Variants in CLVS2 observed in about 807,000 individuals in gnomAD.
The protein encoded by CLVS2 is clavesin 2, also known as clavesin-2.
CLVS2 carries 19 observed loss-of-function variants against 29.0 expected under a neutral mutation model. That is an observed-to-expected ratio of 0.66 (90% confidence interval 0.46 to 0.96). CLVS2 has a LOEUF of 0.96. Ranked by LOEUF, CLVS2 falls within the 40% of genes least tolerant of loss-of-function variation. The pLI is 0.00. For synonymous variants in CLVS2, 161 were observed against 151.3 expected, an observed-to-expected ratio of 1.06 and a Z score of -0.47; for missense variants, 294 against 404.1, an observed-to-expected ratio of 0.73 and a Z score of 2.34.
At chr6:123,058,164 A>G (rs1235594221) in intron 5 of CLVS2, among the ~76,000 whole-genome samples, 1 of 152,116 alleles carries the variant, frequency 6.6e-6, no homozygotes, top group Admixed American at 6.6e-5. Context: ...ACATTAATTT[A>G]TAAATCCTCA....
At chr6:123,002,175 C>G (rs1774598536) in intron 2 of CLVS2, among the ~76,000 whole-genome samples, 1 of 152,228 alleles carries the variant, frequency 6.6e-6, no homozygotes. Flanking sequence ...CAAAATGATT[C>G]TTAATATGGT....
chr6:123,058,649 A>G (rs1462181576), intron 5 of CLVS2, among the ~76,000 whole-genome samples: 1 of 151,776 alleles, frequency 6.6e-6, no homozygotes, highest in Admixed American at 6.6e-5. Flanking sequence ...CTTTATTTTT[A>G]TTTTTATTTT....
chr6:123,011,344 G>T (rs1363471964), intron 3 of CLVS2, among the ~76,000 whole-genome samples, 185 bp downstream of exon 3: 2 of 152,030 alleles, frequency 1.3e-5, no homozygotes, highest in East Asian at 3.9e-4. Context: ...AAGGAAGAGA[G>T]TTTGTGACAC....
rs186830228 is a variant in CLVS2 at position 123,066,393 on chromosome 6, A to G, written c.*2632A>G. On this transcript the variant is annotated 3_prime_UTR_variant, in exon 6 of 6. Transcript: ENST00000275162. The stretch of plus-strand genomic sequence containing the variant: ...ACACACACACTCTTACACACACACT[A>G]ACACACTAGACTGTTTGCCCTAATG... 4.0e-5 allele frequency: 6 copies of G among 150,562 alleles called. No individual in the cohort carries two copies. The highest frequency in any genetic ancestry group is 2.0e-4 in the Admixed American group (3 of 15,104). 9.3% of individuals were successfully genotyped at this position (150,562 alleles called of 1,614,324 possible).
intron 4 of CLVS2, 92 bp downstream of exon 4, chr6:123,048,824 G>T: frequency 2.5e-6 from 2 of 809,014 alleles, no homozygotes. Context: ...ATAGTAAAAT[G>T]TACTTCTACA....
chr6:123,071,756 C>T lies in CLVS2; in HGVS notation c.*7995C>T, dbSNP rs1398573161. On this transcript the variant is annotated 3_prime_UTR_variant, in exon 6 of 6. Transcript: ENST00000275162. ...GGAAGTATTTTGGTGTTTCTAAGGT[C>T]TTTCCATGATCTTGAAATCTATATA... The T allele has an allele frequency of 2.0e-5, 3 of 151,956 alleles. No homozygotes were observed. Among genetic ancestry groups the T allele is most frequent in the Non-Finnish European group, 2.9e-5 (2 of 67,932 alleles). 9.4% of individuals were successfully genotyped at this position (151,956 alleles called of 1,614,324 possible).
chr6:123,011,271 C>A, intron 3 of CLVS2, 112 bp downstream of exon 3: 1 of 764,054 alleles, frequency 1.3e-6, no homozygotes, highest in Non-Finnish European at 2.0e-6. Flanking sequence ...CAAAAAAAAT[C>A]TGTAGTTTTT....
chr6:123,004,171 G>T (rs750166260), intron 2 of CLVS2, among the ~76,000 whole-genome samples: 1 of 152,182 alleles, frequency 6.6e-6, no homozygotes, highest in Admixed American at 6.5e-5. Flanking sequence ...TTTGCTTAGA[G>T]TACTTGGCCC....
chr6:123,046,585 G>A lies in CLVS2; in HGVS notation c.565-2037G>A, dbSNP rs1226417518. The stretch of plus-strand genomic sequence containing the variant: ...GAGGCAGGAGAATCGCTTGAACCTG[G>A]GAGGAGGAAATTGCAGTGAGCCGAG... On this transcript the variant is annotated intron_variant, in intron 3 of 5. Transcript: ENST00000275162. Among the ~76,000 whole-genome samples the A allele has an allele frequency of 2.0e-5, 3 of 151,788 alleles. No homozygotes were observed. In the East Asian group the frequency reaches 5.8e-4, roughly 29 times the overall value.
intron 2 of CLVS2, among the ~76,000 whole-genome samples, chr6:123,000,147 T>C (rs1774571070): frequency 8.5e-5 from 13 of 152,200 alleles, no homozygotes; most frequent in Admixed American, 6.5e-4. Flanking sequence ...AGAAGCTGTG[T>C]TCTGTAGAAA....
chr6:123,061,561 CAT>C (rs1772778516), intron 5 of CLVS2, among the ~76,000 whole-genome samples: 1 of 152,212 alleles, frequency 6.6e-6, no homozygotes, highest in African/African-American at 2.4e-5. Flanking sequence ...CATTGTTTCA[CAT>C]ATGGAATCAG....
intron 2 of CLVS2, among the ~76,000 whole-genome samples, chr6:123,006,092 A>G (rs1774664052): frequency 6.6e-6 from 1 of 152,212 alleles, no homozygotes; most frequent in South Asian, 2.1e-4. Flanking sequence ...CTATAATTTC[A>G]GAATATGAGA....
In CLVS2 at chr6:123,001,152, C is replaced by T. The variant is rs566670877; in HGVS notation, c.389+2986C>T. Among the ~76,000 whole-genome samples the T allele has an allele frequency of 7.9e-5, 12 of 152,216 alleles. No homozygotes were observed. The East Asian group carries it at 9.7e-4, about 12-fold the overall frequency. On this transcript the variant is annotated intron_variant, in intron 2 of 5. Transcript: ENST00000275162. ...TCTGAGTAGAGATTTATTTGATATA[C>T]GCTTTCTCCTATATGAAATTTGTAG...
In CLVS2 at chr6:123,009,355, A is replaced by G. The variant is rs145797748; in HGVS notation, c.390-1630A>G. Among the ~76,000 whole-genome samples the G allele has an allele frequency of 4.1e-3, 631 of 152,238 alleles. 9 individuals carry two copies. The highest frequency in any genetic ancestry group is 0.034 in the Admixed American group (521 of 15,286). On this transcript the variant is annotated intron_variant, in intron 2 of 5. Transcript: ENST00000275162. ...TGACACCATGCCCTGTGCTTGATTA[A>G]TGCTAGGATTCTAAACAAGATTCTG...
chr6:123,029,124 C>T (rs918332930), intron 3 of CLVS2, among the ~76,000 whole-genome samples: 1 of 152,144 alleles, frequency 6.6e-6, no homozygotes, highest in African/African-American at 2.4e-5. Flanking sequence ...ACTTTCCAGC[C>T]CCCATATCTG....
chr6:123,024,057 T>A (rs1774963241), intron 3 of CLVS2, among the ~76,000 whole-genome samples: 1 of 152,162 alleles, frequency 6.6e-6, no homozygotes, highest in Admixed American at 6.6e-5. Context: ...ATATGTTTTT[T>A]ATATAATGTA....
intron 3 of CLVS2, among the ~76,000 whole-genome samples, chr6:123,035,559 CAAA>C (rs902327237): frequency 6.7e-6 from 1 of 149,596 alleles, no homozygotes; most frequent in Admixed American, 6.7e-5. Context: ...GATTAGGTTT[CAAA>C]AAAAAATGAA....
At chr6:123,023,974 C>CT (rs1304058723) in intron 3 of CLVS2, among the ~76,000 whole-genome samples, 2 of 152,098 alleles carry the variant, frequency 1.3e-5, no homozygotes, top group Non-Finnish European at 2.9e-5. Flanking sequence ...TCATTCATTT[C>CT]TTTTTTGTCC....
intron 2 of CLVS2, among the ~76,000 whole-genome samples, chr6:123,010,512 A>G (rs1774732874): frequency 6.6e-6 from 1 of 152,010 alleles, no homozygotes; most frequent in Non-Finnish European, 1.5e-5. Flanking sequence ...TATGATACAA[A>G]CTCAATACAA....
Sources: allele counts gnomAD v4.1 joint callset (sites outside exome capture counted in the v4.1 genomes callset), GRCh38; gene constraint gnomAD v4.1.1; transcripts MANE v1.5; gene names NCBI Gene and HGNC (gene_info 2026-07-23, HGNC 2026-07-21).